DGKH: variants seen among roughly 807,000 people sequenced by gnomAD.
DGKH encodes the protein diacylglycerol kinase eta.
A neutral mutation model predicts 159.3 loss-of-function variants in DGKH; 90 were observed. The ratio of observed to expected loss-of-function variants is 0.57; its 90% CI spans 0.48 to 0.67. The LOEUF is 0.67. Among genes scored for constraint, DGKH ranks in the 30% least tolerant of loss-of-function variants. The pLI, the probability that DGKH is intolerant of heterozygous loss-of-function variation, is 0.00. For missense variants in DGKH, 1,181 were observed against 1,506.1 expected, an observed-to-expected ratio of 0.78 and a Z score of 3.57; for synonymous variants, 536 against 553.8, an observed-to-expected ratio of 0.97 and a Z score of 0.45.
chr13:42,102,948 A>C (rs1031754973), intron 1 of DGKH, among the ~76,000 whole-genome samples: 1 of 152,214 alleles, frequency 6.6e-6, no homozygotes, highest in African/African-American at 2.4e-5. Flanking sequence ...GTTTGATGAG[A>C]GTACAGAATG....
intron 1 of DGKH, among the ~76,000 whole-genome samples, chr13:42,114,838 G>T (rs1158437956): frequency 6.6e-6 from 1 of 152,172 alleles, no homozygotes; most frequent in African/African-American, 2.4e-5. Flanking sequence ...TTAGGCCCTT[G>T]TCCAGGATTG....
chr13:42,250,347 C>T (rs777392060), intron 29 of DGKH, among the ~76,000 whole-genome samples: 6 of 152,042 alleles, frequency 3.9e-5, no homozygotes, highest in Admixed American at 1.3e-4. Context: ...TGTGATACTT[C>T]AATACCTGTA....
rs989781867 is a variant in DGKH, at chr13:42,107,363, G to A, written c.193-20100G>A. 3.3e-5 allele frequency among the ~76,000 whole-genome samples: 5 copies of A among 152,214 alleles called. 1 individual carries two copies. The highest frequency in any genetic ancestry group is 4.4e-5 in the Non-Finnish European group (3 of 68,032). ...CCAGGAGCAGACACTGCAGGCAGTG[G>A]GGAGTGGGGATAGAAGTGATGTTTC... On this transcript the variant is annotated intron_variant, in intron 1 of 29. Transcript: ENST00000337343.
intron 1 of DGKH, among the ~76,000 whole-genome samples, chr13:42,083,212 A>T (rs1435515848): frequency 6.6e-6 from 1 of 152,186 alleles, no homozygotes; most frequent in Non-Finnish European, 1.5e-5. Context: ...AATGTGTGTG[A>T]AGCAAAAAAC....
chr13:42,137,741 G>T (rs1216808414), intron 3 of DGKH, among the ~76,000 whole-genome samples: 1 of 152,196 alleles, frequency 6.6e-6, no homozygotes, highest in Admixed American at 6.5e-5. Flanking sequence ...AAAGAGAAAT[G>T]TTGACTAAAG....
chr13:42,169,541 G>A (rs776868138), intron 11 of DGKH, among the ~76,000 whole-genome samples: 4 of 152,154 alleles, frequency 2.6e-5, no homozygotes, highest in Non-Finnish European at 4.4e-5. Flanking sequence ...AACCCCCAAT[G>A]TCAGTAGAAG....
chr13:42,089,930 A>G (rs904300112), intron 1 of DGKH, among the ~76,000 whole-genome samples: 2 of 152,172 alleles, frequency 1.3e-5, no homozygotes, highest in Non-Finnish European at 2.9e-5. Context: ...CAAAAAATTA[A>G]ATTAGAAAAA....
rs1566085604 is a variant in DGKH at position 42,070,428 on chromosome 13, C to T, written c.192+21463C>T. The T allele has an allele frequency of 2.2e-6, 3 of 1,338,342 alleles. No individual in the cohort carries two copies. The East Asian group carries it at 6.9e-5, about 31-fold the overall frequency. The allele number at this position is 1,338,342 out of a possible 1,614,324, so 82.9% of individuals were successfully genotyped here. On this transcript the variant is annotated intron_variant, in intron 1 of 29. Transcript: ENST00000337343. ...TTTTACAAAACAGTCAGCATTTCAG[C>T]AGAGATGCAGCCTGCAGCCCACATG... is the stretch of plus-strand genomic sequence containing the variant.
chr13:42,069,508 G>T, intron 1 of DGKH: 1 of 1,583,112 alleles, frequency 6.3e-7, no homozygotes, highest in South Asian at 1.1e-5. Context: ...TGCAATAAAG[G>T]AATGAAAATC....
chr13:42,142,877 A>T (rs149678618), intron 3 of DGKH, among the ~76,000 whole-genome samples: 1 of 152,188 alleles, frequency 6.6e-6, no homozygotes, highest in Non-Finnish European at 1.5e-5. Flanking sequence ...TCCTAACTGA[A>T]TACCGTTTAT....
chr13:42,190,762 A>G (rs1364144876), intron 16 of DGKH, among the ~76,000 whole-genome samples: 3 of 152,220 alleles, frequency 2.0e-5, no homozygotes, highest in Non-Finnish European at 4.4e-5. Flanking sequence ...GATTATAACA[A>G]TAAACTAAGG....
rs1958446636 is a variant in DGKH at position 42,237,719 on chromosome 13, TG to T, written c.*8533del. On this transcript the variant is annotated 3_prime_UTR_variant, in exon 30 of 30. Coordinates refer to ENST00000337343, the MANE Select transcript of DGKH (RefSeq NM_178009.5). ...TGACCTAATCATTCAAGACATTTGA[TG>T]GAGTCCACACAAGGGTTTATGATGT... 6.6e-6 allele frequency: 1 copy of T among 152,238 alleles called. No homozygotes were observed. Among genetic ancestry groups the T allele is most frequent in the Non-Finnish European group, 1.5e-5 (1 of 68,042 alleles). The allele number at this position is 152,238 out of a possible 1,614,324, so 9.4% of individuals were successfully genotyped here.
intron 29 of DGKH, among the ~76,000 whole-genome samples, chr13:42,223,543 C>T (rs568642502): frequency 3.9e-5 from 6 of 152,162 alleles, no homozygotes; most frequent in Non-Finnish European, 8.8e-5. Context: ...GGGCGGATCA[C>T]GAGGTCAGGA....
intron 2 of DGKH, among the ~76,000 whole-genome samples, chr13:42,128,171 A>G (rs1260976194): frequency 2.0e-5 from 3 of 152,216 alleles, no homozygotes; most frequent in East Asian, 3.8e-4. Flanking sequence ...GACTTAAAAT[A>G]TTTTTTATAT....
At chr13:42,163,966 G>C (rs1464548094) in intron 7 of DGKH, among the ~76,000 whole-genome samples, 4 of 152,054 alleles carry the variant, frequency 2.6e-5, no homozygotes, top group African/African-American at 4.8e-5. Context: ...GTAATGCCTA[G>C]GTTTTCTTCT....
At chr13:42,110,734 C>A (rs1171348339) in intron 1 of DGKH, among the ~76,000 whole-genome samples, 1 of 129,662 alleles carries the variant, frequency 7.7e-6, no homozygotes, top group Non-Finnish European at 1.7e-5. Flanking sequence ...AAATCCTAAT[C>A]ATTAGCATAG....
chr13:42,235,220 T>G lies in DGKH; in HGVS notation c.*6032T>G, dbSNP rs1594258754. 2.0e-5 allele frequency: 3 copies of G among 152,314 alleles called. No homozygotes were observed. Among genetic ancestry groups the G allele is most frequent in the Admixed American group, 6.5e-5 (1 of 15,298 alleles). The allele number at this position is 152,314 out of a possible 1,614,324, so 9.4% of individuals were successfully genotyped here. On this transcript the variant is annotated 3_prime_UTR_variant, in exon 30 of 30. Transcript: ENST00000337343. ...AACAGATTAATTCCCTCCATGTAAC[T>G]AAGATACTCTATTTACATTATTTAT...
At chr13:42,204,065 C>T (rs917299305) in intron 20 of DGKH, among the ~76,000 whole-genome samples, 7 of 152,184 alleles carry the variant, frequency 4.6e-5, no homozygotes, top group South Asian at 2.1e-4. Flanking sequence ...ACTTCAGCAC[C>T]GCACATAGGA....
At chr13:42,126,252 A>G (rs1451645156) in intron 1 of DGKH, among the ~76,000 whole-genome samples, 2 of 152,228 alleles carry the variant, frequency 1.3e-5, no homozygotes, top group Admixed American at 1.3e-4. Flanking sequence ...GAAGATGGAA[A>G]GTACTTCGTG....
Sources: gnomAD v4.1 joint callset for allele counts (sites outside exome capture counted in the v4.1 genomes callset) on GRCh38, gnomAD v4.1.1 for gene constraint, MANE v1.5 for transcripts, NCBI Gene and HGNC (gene_info 2026-07-23, HGNC 2026-07-21) for gene names.